The following MSRA variants were observed in gnomAD, a reference collection of about 807,000 sequenced individuals.
MSRA encodes methionine sulfoxide reductase A.
MSRA carries 54 observed loss-of-function variants against 31.3 expected under a neutral mutation model. The ratio of observed to expected loss-of-function variants is 1.73; its 90% CI spans 1.39 to 2.17. The LOEUF is 2.17. Ranked by LOEUF, MSRA falls within the 30% of genes most tolerant of loss-of-function variation. MSRA has a pLI of 0.00. For synonymous variants in MSRA, 169 were observed against 116.5 expected, an observed-to-expected ratio of 1.45 and a Z score of -2.90; for missense variants, 507 against 300.9, an observed-to-expected ratio of 1.69 and a Z score of -5.07.
At chr8:10,318,963 A>G (rs1341931789) in intron 4 of MSRA, among the ~76,000 whole-genome samples, 1 of 151,680 alleles carries the variant, frequency 6.6e-6, no homozygotes, top group African/African-American at 2.4e-5. Context: ...TTCTACCTTC[A>G]CCCTTGGCGC....
chr8:10,366,268 T>G (rs1397297010), intron 5 of MSRA, among the ~76,000 whole-genome samples: 1 of 152,126 alleles, frequency 6.6e-6, no homozygotes, highest in African/African-American at 2.4e-5. Context: ...AAGTTATGAG[T>G]GGGCAGAGGA....
At chr8:10,337,669 A>G (rs902896160) in intron 5 of MSRA, 22 of 696,744 alleles carry the variant, frequency 3.2e-5, no homozygotes, top group East Asian at 5.4e-5. Flanking sequence ...CCGGTGAATG[A>G]TTTTTCATCT....
At chr8:10,247,182 C>CT (rs1797667068) in intron 3 of MSRA, among the ~76,000 whole-genome samples, 1 of 152,178 alleles carries the variant, frequency 6.6e-6, no homozygotes, top group African/African-American at 2.4e-5. Context: ...GTAATAAGCA[C>CT]TTTTTCTGTC....
intron 1 of MSRA, among the ~76,000 whole-genome samples, chr8:10,096,881 G>A (rs1194808004): frequency 1.3e-5 from 2 of 152,154 alleles, no homozygotes; most frequent in African/African-American, 4.8e-5. Flanking sequence ...GTAGGATTAA[G>A]TTATGACTTC....
rs181272670 is a variant in MSRA at position 10,164,954 on chromosome 8, G to T, written c.143-42879G>T. On this transcript the variant is annotated intron_variant, in intron 1 of 5. Transcript: ENST00000317173. ...GAGGCAGGAGAATCACTTGAACCTG[G>T]GAGGTGGAGGTTGCAGTGAGCCACG... Among the ~76,000 whole-genome samples, 495 of 152,290 alleles carry T rather than the reference G, an allele frequency of 3.3e-3. 1 individual carries two copies. Among genetic ancestry groups the T allele is most frequent in the Non-Finnish European group, 5.7e-3 (385 of 68,014 alleles).
chr8:10,283,019 T>G (rs1254717726), intron 3 of MSRA, among the ~76,000 whole-genome samples: 1 of 152,038 alleles, frequency 6.6e-6, no homozygotes, highest in African/African-American at 2.4e-5. Flanking sequence ...GAGATGAAAA[T>G]TCCATTCTTA....
At chr8:10,222,941 C>A (rs528330578) in intron 2 of MSRA, among the ~76,000 whole-genome samples, 1 of 152,038 alleles carries the variant, frequency 6.6e-6, no homozygotes, top group Non-Finnish European at 1.5e-5. Context: ...TTGAAAATTG[C>A]TAAGAGAGTA....
At chr8:10,203,120 C>T (rs534821236) in intron 1 of MSRA, among the ~76,000 whole-genome samples, 4 of 152,186 alleles carry the variant, frequency 2.6e-5, no homozygotes, top group African/African-American at 9.6e-5. Context: ...GAATTAAAGA[C>T]AAGACAAAGC....
At chr8:10,331,515 C>G (rs960482937) in intron 5 of MSRA, among the ~76,000 whole-genome samples, 2 of 152,170 alleles carry the variant, frequency 1.3e-5, no homozygotes, top group African/African-American at 4.8e-5. Flanking sequence ...AACTGAAGCT[C>G]AGAAGTGTTC....
intron 5 of MSRA, among the ~76,000 whole-genome samples, chr8:10,415,307 G>A (rs1434082748): frequency 3.3e-5 from 5 of 152,176 alleles, no homozygotes; most frequent in Non-Finnish European, 1.5e-5. Context: ...GGGAGGTGAA[G>A]GACGACAAGG....
chr8:10,183,962 T>A (rs1339611930), intron 1 of MSRA, among the ~76,000 whole-genome samples: 1 of 136,132 alleles, frequency 7.3e-6, no homozygotes, highest in Non-Finnish European at 1.6e-5. Flanking sequence ...GTATTGGTAG[T>A]GATGGTGTTG....
At chr8:10,273,394 T>A (rs148700102) in intron 3 of MSRA, among the ~76,000 whole-genome samples, 7 of 152,312 alleles carry the variant, frequency 4.6e-5, no homozygotes, top group African/African-American at 1.7e-4. Flanking sequence ...CCCTAGTAGT[T>A]GTGCAACTAT....
At chr8:10,192,462 A>G (rs1807592349) in intron 1 of MSRA, among the ~76,000 whole-genome samples, 1 of 152,210 alleles carries the variant, frequency 6.6e-6, no homozygotes, top group Non-Finnish European at 1.5e-5. Context: ...AGAAACACCC[A>G]GCTTCCTATT....
chr8:10,353,124 G>A (rs1458514509), intron 5 of MSRA, among the ~76,000 whole-genome samples: 1 of 152,110 alleles, frequency 6.6e-6, no homozygotes, highest in South Asian at 2.1e-4. Context: ...CCACAGACAG[G>A]CGTGTGCACA....
chr8:10,168,506 G>C (rs1805334405), intron 1 of MSRA, among the ~76,000 whole-genome samples: 2 of 152,140 alleles, frequency 1.3e-5, no homozygotes, highest in African/African-American at 4.8e-5. Context: ...TGTGGTTTTT[G>C]GAAAGTAGGG....
chr8:10,129,577 G>T (rs1801749222), intron 1 of MSRA, among the ~76,000 whole-genome samples: 1 of 152,066 alleles, frequency 6.6e-6, no homozygotes, highest in Non-Finnish European at 1.5e-5. Flanking sequence ...GACCAGCTCA[G>T]GAGGAGGCCT....
At chr8:10,396,021 T>C (rs1807075091) in intron 5 of MSRA, among the ~76,000 whole-genome samples, 1 of 152,170 alleles carries the variant, frequency 6.6e-6, no homozygotes, top group South Asian at 2.1e-4. Flanking sequence ...TCTGTTGGAA[T>C]TGCCCATCTC....
intron 1 of MSRA, among the ~76,000 whole-genome samples, chr8:10,141,388 A>T (rs1006147596): frequency 1.3e-5 from 2 of 152,200 alleles, no homozygotes; most frequent in African/African-American, 4.8e-5. Context: ...TTGAGGTTTG[A>T]ACCCAAGAAG....
chr8:10,100,953 A>G (rs1306390089), intron 1 of MSRA, among the ~76,000 whole-genome samples: 1 of 152,116 alleles, frequency 6.6e-6, no homozygotes, highest in African/African-American at 2.4e-5. Context: ...TTGTCTATCA[A>G]TGTCATTTAT....
Sources: gnomAD v4.1 joint callset for allele counts (sites outside exome capture counted in the v4.1 genomes callset) on GRCh38, gnomAD v4.1.1 for gene constraint, MANE v1.5 for transcripts, NCBI Gene and HGNC (gene_info 2026-07-23, HGNC 2026-07-21) for gene names.